MROH9: variants seen among roughly 807,000 people sequenced by gnomAD.
MROH9 encodes maestro heat-like repeat-containing protein family member 9.
Under a neutral mutation model 98.2 loss-of-function variants are expected in MROH9, and 92 were observed. The observed-to-expected ratio is 0.94, with a 90% CI of 0.79 to 1.11. MROH9 has a LOEUF of 1.11. Ranked by LOEUF, MROH9 falls within the 50% of genes most tolerant of loss-of-function variation. The probability of loss-of-function intolerance (pLI) is 0.00; values close to 1 mark genes in which losing one functional copy is unlikely to be tolerated. For missense variants in MROH9, 1,057 were observed against 1,014.8 expected, an observed-to-expected ratio of 1.04 and a Z score of -0.57; for synonymous variants, 397 against 368.9, an observed-to-expected ratio of 1.08 and a Z score of -0.87.
At chr1:170,972,439 T>C (rs1166898731) in intron 8 of MROH9, among the ~76,000 whole-genome samples, 2 of 152,242 alleles carry the variant, frequency 1.3e-5, no homozygotes, top group Non-Finnish European at 2.9e-5. Context: ...AGGCTATGCC[T>C]CTGTTTCTGT....
chr1:171,062,057 G>A (rs1654031792), intron 20 of MROH9, 75 bp from the exon 21 acceptor site: 1 of 927,136 alleles, frequency 1.1e-6, no homozygotes, highest in East Asian at 2.6e-5. Context: ...AAGCAAAGAA[G>A]GTAGCCAGAT....
intron 6 of MROH9, among the ~76,000 whole-genome samples, chr1:170,962,585 T>C (rs564536006): frequency 1.3e-5 from 2 of 152,264 alleles, no homozygotes; most frequent in Admixed American, 6.5e-5. Context: ...GAAAAATAGA[T>C]GGATTTATCC....
In MROH9 at chr1:171,052,688, C is replaced by T. The variant is rs147852320; in HGVS notation, c.2282-9444C>T. 2.4e-3 allele frequency among the ~76,000 whole-genome samples: 372 copies of T among 152,220 alleles called. 2 individuals carry two copies. Among genetic ancestry groups the T allele is most frequent in the African/African-American group, 8.7e-3 (361 of 41,538 alleles). On this transcript the variant is annotated intron_variant, in intron 20 of 21. Coordinates refer to ENST00000367759, the MANE Select transcript of MROH9 (RefSeq NM_001163629.2). Reference sequence around the variant, plus strand: ...ACTGCCCACGGAATGGCAGGGGCAGCTCAGGCTCCTAATCCAGGGGAGTGG... The same window carrying T: ...ACTGCCCACGGAATGGCAGGGGCAGTTCAGGCTCCTAATCCAGGGGAGTGG...
intron 8 of MROH9, among the ~76,000 whole-genome samples, chr1:170,981,360 C>T (rs796174560): frequency 9.2e-5 from 14 of 152,164 alleles, no homozygotes; most frequent in African/African-American, 3.1e-4. Context: ...GGAACCAACC[C>T]AAATGCCTAT....
At chr1:170,954,157 A>G (rs1649673605) in intron 3 of MROH9, among the ~76,000 whole-genome samples, 1 of 152,032 alleles carries the variant, frequency 6.6e-6, no homozygotes, top group Non-Finnish European at 1.5e-5. Context: ...GGTATTTTTT[A>G]ATTCAAATAT....
chr1:170,940,495 C>T (rs1191603243), intron 1 of MROH9, among the ~76,000 whole-genome samples: 1 of 152,160 alleles, frequency 6.6e-6, no homozygotes, highest in Non-Finnish European at 1.5e-5. Flanking sequence ...AGGTGTATTG[C>T]TGGCCTTTCC....
chr1:171,026,130 T>G (rs1256654868), intron 20 of MROH9, among the ~76,000 whole-genome samples: 1 of 151,706 alleles, frequency 6.6e-6, no homozygotes, highest in African/African-American at 2.4e-5. Flanking sequence ...GATGACAAAA[T>G]GAATTATGAT....
intron 20 of MROH9, among the ~76,000 whole-genome samples, chr1:171,061,458 A>G (rs1213457711): frequency 6.6e-6 from 1 of 152,186 alleles, no homozygotes; most frequent in Non-Finnish European, 1.5e-5. Context: ...GAAACAACAC[A>G]AACGCCCATC....
chr1:170,990,261 C>A (rs1651305253), intron 11 of MROH9, among the ~76,000 whole-genome samples: 1 of 152,178 alleles, frequency 6.6e-6, no homozygotes, highest in Non-Finnish European at 1.5e-5. Context: ...TTATCTGAGG[C>A]TTTAAATTGT....
chr1:170,976,559 C>T (rs1406137160), intron 8 of MROH9, among the ~76,000 whole-genome samples: 1 of 152,076 alleles, frequency 6.6e-6, no homozygotes, highest in East Asian at 1.9e-4. Flanking sequence ...CCAGCCTGGC[C>T]AACATGGTGA....
chr1:171,049,855 A>G (rs1307079517), intron 20 of MROH9, among the ~76,000 whole-genome samples: 2 of 151,658 alleles, frequency 1.3e-5, no homozygotes, highest in Non-Finnish European at 2.9e-5. Flanking sequence ...TGATTTTTGT[A>G]TTGTTTTGTA....
In MROH9 at chr1:171,014,099, T is replaced by C. The variant is rs140793837; in HGVS notation, c.1597-18T>C. 7.1e-6 allele frequency: 11 copies of C among 1,546,348 alleles called. No homozygotes were observed. Among genetic ancestry groups the C allele is most frequent in the Middle Eastern group, 4.1e-4 (2 of 4,904 alleles). On this transcript the variant is annotated intron_variant, in intron 15 of 21. Coordinates refer to ENST00000367759, the MANE Select transcript of MROH9 (RefSeq NM_001163629.2). ...GGCCTCTACTTTGCTTATAAACTTA[T>C]TAACTATTTTCTTTCAGCTTCTGAA...
intron 20 of MROH9, among the ~76,000 whole-genome samples, chr1:171,038,691 T>G (rs1041036792): frequency 6.6e-6 from 1 of 152,172 alleles, no homozygotes; most frequent in African/African-American, 2.4e-5. Context: ...AGATGTGCTT[T>G]CCAACTGGGT....
At chr1:170,973,974 ACTC>A in intron 8 of MROH9, among the ~76,000 whole-genome samples, 1 of 152,214 alleles carries the variant, frequency 6.6e-6, no homozygotes, top group Middle Eastern at 3.4e-3. Flanking sequence ...AGACAGAAAA[ACTC>A]CTAAAAGACT....
intron 3 of MROH9, among the ~76,000 whole-genome samples, chr1:170,955,156 G>T (rs1216218561): frequency 6.6e-6 from 1 of 151,976 alleles, no homozygotes; most frequent in Admixed American, 6.6e-5. Context: ...TTCTTTTTAT[G>T]GCTGAGTAGT....
At chr1:170,938,843 A>G (rs1649002335) in intron 1 of MROH9, among the ~76,000 whole-genome samples, 1 of 152,220 alleles carries the variant, frequency 6.6e-6, no homozygotes, top group Non-Finnish European at 1.5e-5. Flanking sequence ...GGCCACATCA[A>G]GGACTCAGTG....
chr1:170,939,092 C>T lies in MROH9; in HGVS notation c.-38+3505C>T, dbSNP rs190899340. Among the ~76,000 whole-genome samples the T allele has an allele frequency of 2.6e-3, 396 of 152,328 alleles. 7 individuals carry two copies. The highest frequency in any genetic ancestry group is 1.5e-3 in the East Asian group (8 of 5,190). On this transcript the variant is annotated intron_variant, in intron 1 of 21. Transcript: ENST00000367759. ...TAAATAATCCTCAGCAGAGATTGCCCTTTGGTGAATATTTACAGGGAACAC... is the reference window on the plus strand; with the variant it reads ...TAAATAATCCTCAGCAGAGATTGCCTTTTGGTGAATATTTACAGGGAACAC...
rs1652250444 is a variant in MROH9 at position 171,014,127 on chromosome 1, A to G, written c.1607A>G (p.Asn536Ser). 1.3e-6 allele frequency: 2 copies of G among 1,550,260 alleles called. No individual in the cohort carries two copies. Among genetic ancestry groups the G allele is most frequent in the Non-Finnish European group, 1.7e-6 (2 of 1,146,532 alleles). Residue 536 changes from asparagine to serine, a missense_variant, in exon 16 of 22, where the codon AAC (asparagine) becomes AGC (serine). Asn to Ser is a conservative substitution (Grantham distance 46). Coordinates refer to ENST00000367759, the MANE Select transcript of MROH9 (RefSeq NM_001163629.2). ...VLIFLTELLN[N>S]FFKDPLPEEF... is the part of the protein sequence containing the mutation. ...ACTATTTTCTTTCAGCTTCTGAATA[A>G]CTTCTTCAAGGACCCTTTACCAGAA...
At chr1:171,048,209 C>T (rs142645545) in intron 20 of MROH9, among the ~76,000 whole-genome samples, 1 of 152,166 alleles carries the variant, frequency 6.6e-6, no homozygotes. Flanking sequence ...TGTGGCAAAG[C>T]CAGCCAGGCC....
Sources: gnomAD v4.1 joint callset for allele counts (sites outside exome capture counted in the v4.1 genomes callset) on GRCh38, gnomAD v4.1.1 for gene constraint, MANE v1.5 for transcripts, NCBI Gene and HGNC (gene_info 2026-07-23, HGNC 2026-07-21) for gene names.